Variants in CHST15 observed in about 807,000 individuals in gnomAD.
CHST15 encodes carbohydrate sulfotransferase 15, also known as B cell RAG associated protein (GALNAC4S-6ST).
Under a neutral mutation model 53.6 loss-of-function variants are expected in CHST15, and 30 were observed. The observed-to-expected ratio is 0.56, with a 90% CI of 0.42 to 0.76. The LOEUF (loss-of-function observed/expected upper bound fraction) is 0.76. CHST15 is among the 30% of genes least tolerant of loss of function. The pLI, the probability that CHST15 is intolerant of heterozygous loss-of-function variation, is 0.00. For synonymous variants in CHST15, 296 were observed against 289.8 expected, an observed-to-expected ratio of 1.02 and a Z score of -0.22; for missense variants, 627 against 740.5, an observed-to-expected ratio of 0.85 and a Z score of 1.78.
Position 124,008,201 on chromosome 10 carries a change from G to A in CHST15, c.*1948C>T, listed in dbSNP as rs1946320595. The A allele has an allele frequency of 8.1e-7, 1 of 1,227,928 alleles. No individual in the cohort carries two copies. Among genetic ancestry groups the A allele is most frequent in the Non-Finnish European group, 1.0e-6 (1 of 985,804 alleles). 76.1% of individuals were successfully genotyped at this position (1,227,928 alleles called of 1,614,324 possible). On this transcript the variant is annotated 3_prime_UTR_variant, in exon 8 of 8. Coordinates refer to ENST00000435907, the MANE Select transcript of CHST15 (RefSeq NM_001270764.2). The stretch of plus-strand genomic sequence containing the variant: ...ATCCCTTGTTGTAATTATGGTTGGT[G>A]TGGAATAGTAAAATATGTACTGAAA...
At chr10:124,066,289 G>C (rs1948747895) in intron 1 of CHST15, among the ~76,000 whole-genome samples, 1 of 152,054 alleles carries the variant, frequency 6.6e-6, no homozygotes, top group Non-Finnish European at 1.5e-5. Context: ...GGCTGAAATG[G>C]AAAGAAAGAG....
intron 5 of CHST15, among the ~76,000 whole-genome samples, chr10:124,034,735 G>A (rs544002994): frequency 2.8e-3 from 385 of 138,640 alleles, no homozygotes; most frequent in Non-Finnish European, 4.5e-3. Context: ...CCCTAACAGG[G>A]ACCCCGGCTC....
chr10:124,018,303 C>T (rs1010188963), intron 6 of CHST15, among the ~76,000 whole-genome samples: 2 of 152,038 alleles, frequency 1.3e-5, no homozygotes, highest in Non-Finnish European at 2.9e-5. Context: ...CGATGTCACA[C>T]ATTTTGTTTG....
intron 1 of CHST15, among the ~76,000 whole-genome samples, chr10:124,091,963 C>T (rs1275643395): frequency 1.3e-5 from 2 of 151,878 alleles, no homozygotes; most frequent in Non-Finnish European, 2.9e-5. Context: ...ACGGGGAGGT[C>T]AAGCAGCTGT....
intron 1 of CHST15, among the ~76,000 whole-genome samples, chr10:124,059,635 T>C (rs1017333868): frequency 6.6e-6 from 1 of 152,120 alleles, no homozygotes; most frequent in African/African-American, 2.4e-5. Flanking sequence ...CATGGACACA[T>C]AGCTCACACG....
intron 1 of CHST15, among the ~76,000 whole-genome samples, chr10:124,071,068 A>T (rs1371890111): frequency 6.6e-6 from 1 of 152,136 alleles, no homozygotes; most frequent in African/African-American, 2.4e-5. Context: ...ATTCAATTTG[A>T]TTTGATTTGA....
At chr10:124,043,271 G>C (rs564683308) in intron 3 of CHST15, among the ~76,000 whole-genome samples, 2 of 152,168 alleles carry the variant, frequency 1.3e-5, no homozygotes, top group Admixed American at 6.5e-5. Context: ...TTTTCATTAA[G>C]GGGAAATCAC....
At chr10:124,038,455 A>G (rs1947605548) in intron 5 of CHST15, 60 bp downstream of exon 5, 1 of 1,572,972 alleles carries the variant, frequency 6.4e-7, no homozygotes, top group Non-Finnish European at 8.7e-7. Flanking sequence ...ATGAGAGGGG[A>G]ACACTGTTCT....
intron 1 of CHST15, among the ~76,000 whole-genome samples, 151 bp from the exon 2 acceptor site, chr10:124,046,875 G>A (rs1173739543): frequency 1.3e-5 from 2 of 152,124 alleles, no homozygotes; most frequent in Non-Finnish European, 2.9e-5. Context: ...AGAAAATCGC[G>A]AGCATAAAGG....
intron 1 of CHST15, among the ~76,000 whole-genome samples, chr10:124,048,955 G>C (rs114157510): frequency 6.6e-6 from 1 of 152,088 alleles, no homozygotes; most frequent in African/African-American, 2.4e-5. Context: ...TGCCCGGACC[G>C]GGTCCACAGA....
intron 1 of CHST15, among the ~76,000 whole-genome samples, chr10:124,058,607 G>A (rs549425884): frequency 1.3e-5 from 2 of 152,374 alleles, no homozygotes; most frequent in Admixed American, 6.5e-5. Context: ...TCACAGTGGA[G>A]CACGGTCAGC....
Position 124,019,075 on chromosome 10 carries a change from C to T in CHST15, c.1347+2181G>A, listed in dbSNP as rs1946681259. Among the ~76,000 whole-genome samples, 1 of 152,166 alleles carries T rather than the reference C, an allele frequency of 6.6e-6. No homozygotes were observed. The highest frequency in any genetic ancestry group is 1.5e-5 in the Non-Finnish European group (1 of 68,024). On this transcript the variant is annotated intron_variant, in intron 6 of 7. Transcript: ENST00000435907. The surrounding 1 kb of genome is among the most constrained non-coding windows in gnomAD (Gnocchi z 4.6). ...AGGACTGAAGGTCCTCCATGCGAGG[C>T]CTGCAGGATGGAAGAGCCACCTGCA...
intron 5 of CHST15, among the ~76,000 whole-genome samples, chr10:124,031,813 T>A (rs1258219613): frequency 1.3e-5 from 2 of 152,196 alleles, no homozygotes; most frequent in Admixed American, 1.3e-4. Context: ...ATTTTACCGA[T>A]GAGAAAATAA....
Position 124,008,612 on chromosome 10 carries a change from A to G in CHST15, c.*1537T>C. 1.9e-6 allele frequency: 2 copies of G among 1,031,804 alleles called. No homozygotes were observed. The highest frequency in any genetic ancestry group is 2.3e-6 in the Non-Finnish European group (2 of 855,372). The allele number at this position is 1,031,804 out of a possible 1,614,324, so 63.9% of individuals were successfully genotyped here. On this transcript the variant is annotated 3_prime_UTR_variant, in exon 8 of 8. Transcript: ENST00000435907. The stretch of plus-strand genomic sequence containing the variant: ...TGTGTGTCCCTTCTCTGATGGCAGA[A>G]AGACAACACCAGCAGAAAGACGGCT...
Position 124,021,248 on chromosome 10 carries a change from GTAC to G in CHST15, c.1347+5_1347+7del. On this transcript the variant is annotated splice_donor_5th_base_variant and intron_variant, in intron 6 of 7. Coordinates refer to ENST00000435907, the MANE Select transcript of CHST15 (RefSeq NM_001270764.2). ...AGCTCGGGGGGTACGGGGGGGGGGGGTACACACAGGCATGGCGTTGTTGAGGGT... is the reference window on the plus strand; with the variant it reads ...AGCTCGGGGGGTACGGGGGGGGGGGGACACAGGCATGGCGTTGTTGAGGGT... 1 of 1,233,504 alleles carries G rather than the reference GTAC, an allele frequency of 8.1e-7. No homozygotes were observed. 76.4% of individuals were successfully genotyped at this position (1,233,504 alleles called of 1,614,324 possible). A position where few individuals can be genotyped will look rare whatever the true frequency, so the allele number is the denominator to read the frequency against.
At chr10:124,051,250 G>T (rs148393174) in intron 1 of CHST15, among the ~76,000 whole-genome samples, 371 of 152,122 alleles carry the variant, frequency 2.4e-3, no homozygotes, top group African/African-American at 8.6e-3. Flanking sequence ...GGCCTCAAAA[G>T]AATTTTTACT....
chr10:124,080,494 G>T (rs529669773), intron 1 of CHST15, among the ~76,000 whole-genome samples: 1 of 152,320 alleles, frequency 6.6e-6, no homozygotes, highest in East Asian at 1.9e-4. Context: ...TCTCCATGAG[G>T]ATATGCCCTC....
intron 4 of CHST15, among the ~76,000 whole-genome samples, chr10:124,040,278 T>C (rs1366749321): frequency 6.6e-6 from 1 of 152,174 alleles, no homozygotes; most frequent in Non-Finnish European, 1.5e-5. Context: ...TAGTGTCTAA[T>C]CCGTGCTCAG....
intron 1 of CHST15, among the ~76,000 whole-genome samples, chr10:124,089,662 G>A (rs1349265913): frequency 6.6e-6 from 1 of 152,034 alleles, no homozygotes; most frequent in Non-Finnish European, 1.5e-5. Flanking sequence ...GAAATTCAAT[G>A]TCCACACCTG....
Sources: gnomAD v4.1 joint callset for allele counts (sites outside exome capture counted in the v4.1 genomes callset) on GRCh38, gnomAD v4.1.1 for gene constraint, Gnocchi (gnomAD v3.1) non-coding constraint, MANE v1.5 for transcripts, NCBI Gene and HGNC (gene_info 2026-07-23, HGNC 2026-07-21) for gene names.